The following ANKRD36 variants were observed in gnomAD, a reference collection of about 807,000 sequenced individuals.
The protein encoded by ANKRD36 is ankyrin repeat domain 36.
In ANKRD36, 179 loss-of-function variants were observed where a neutral mutation model predicts 278.1. The ratio of observed to expected loss-of-function variants is 0.64; its 90% CI spans 0.57 to 0.73. The LOEUF is 0.73. ANKRD36 is among the 30% of genes least tolerant of loss of function. ANKRD36 has a pLI of 0.00. For missense variants in ANKRD36, 1,159 were observed against 1,956.7 expected (o/e 0.59, Z 7.69); for synonymous variants, 320 against 641.1 (o/e 0.50, Z 7.57).
In ANKRD36 at chr2:97,179,775, A is replaced by C. The variant is rs2055573747; in HGVS notation, c.1662+9A>C. On this transcript the variant is annotated intron_variant, in intron 23 of 75. Transcript: ENST00000420699. ...AACAACCAGCTGAGAAGGTAATTAA[A>C]GTCTCATTTATATGTTGAACTATTA... 1 of 1,594,468 alleles carries C rather than the reference A, an allele frequency of 6.3e-7. No individual in the cohort carries two copies. Among genetic ancestry groups the C allele is most frequent in the East Asian group, 2.2e-5 (1 of 44,616 alleles).
At chr2:97,211,234 C>G (rs1266253081) in intron 56 of ANKRD36, among the ~76,000 whole-genome samples, 1 of 151,888 alleles carries the variant, frequency 6.6e-6, no homozygotes, top group African/African-American at 2.4e-5. Flanking sequence ...ATGAGTTGCT[C>G]CTCTGATTTT....
In ANKRD36 at chr2:97,209,390, TG is replaced by T. The variant is rs535119669; in HGVS notation, c.3266-290del. Among the ~76,000 whole-genome samples the T allele has an allele frequency of 8.8e-5, 13 of 146,898 alleles. 1 individual carries two copies. The South Asian group carries it at 2.1e-3, about 24-fold the overall frequency. ...TGTTCCTCTGATTTTAGATCACATTTGTCCTCATCACTCGGCATATCCACAT... is the reference window on the plus strand; with the variant it reads ...TGTTCCTCTGATTTTAGATCACATTTTCCTCATCACTCGGCATATCCACAT... On this transcript the variant is annotated intron_variant, in intron 54 of 75. Transcript: ENST00000420699.
chr2:97,122,858 G>T, intron 3 of ANKRD36, 29 bp from the exon 4 acceptor site: 2 of 1,518,698 alleles, frequency 1.3e-6, no homozygotes, highest in Middle Eastern at 1.7e-4. Context: ...GTAATTTTGT[G>T]ATTATAAATT....
intron 48 of ANKRD36, among the ~76,000 whole-genome samples, 177 bp from the exon 49 acceptor site, chr2:97,203,891 T>C (rs1431896592): frequency 2.6e-5 from 4 of 151,854 alleles, no homozygotes; most frequent in Non-Finnish European, 4.4e-5. Context: ...ATGGAGCCTG[T>C]ATTGCTTTTC....
Position 97,209,794 on chromosome 2 carries a change from A to C in ANKRD36, c.3295-6A>C. ...TACTTATTATTTCATTTCAAATTCC[A>C]TTCAGGCTACAAGTGACGAGAAAGA... is the stretch of plus-strand genomic sequence containing the variant. On this transcript the variant is annotated splice_polypyrimidine_tract_variant and splice_region_variant and intron_variant, in intron 55 of 75. Transcript: ENST00000420699. The C allele has an allele frequency of 6.2e-7, 1 of 1,600,762 alleles. No individual in the cohort carries two copies. Among genetic ancestry groups the C allele is most frequent in the Non-Finnish European group, 8.5e-7 (1 of 1,175,980 alleles).
intron 24 of ANKRD36, among the ~76,000 whole-genome samples, chr2:97,181,076 C>G (rs968632282): frequency 6.6e-6 from 1 of 151,584 alleles, no homozygotes; most frequent in Non-Finnish European, 1.5e-5. Flanking sequence ...GGAAACATAT[C>G]CAAGGTGATC....
intron 68 of ANKRD36, among the ~76,000 whole-genome samples, chr2:97,237,506 C>A (rs1261932299): frequency 6.6e-6 from 1 of 150,464 alleles, no homozygotes; most frequent in Non-Finnish European, 1.5e-5. Context: ...CCCTTAGGCA[C>A]CCTTTTACTT....
intron 56 of ANKRD36, among the ~76,000 whole-genome samples, chr2:97,210,597 A>G (rs1235610338): frequency 6.6e-6 from 1 of 151,832 alleles, no homozygotes; most frequent in Non-Finnish European, 1.5e-5. Context: ...AATCTTGAAT[A>G]TGAATAAATT....
At chr2:97,216,365 C>T (rs2065930407) in intron 62 of ANKRD36, among the ~76,000 whole-genome samples, 1 of 151,928 alleles carries the variant, frequency 6.6e-6, no homozygotes, top group African/African-American at 2.4e-5. Flanking sequence ...TTCTAATTAA[C>T]TCCTAAAGTG....
In ANKRD36 at chr2:97,181,787, G is replaced by T; in HGVS notation, c.1831G>T (p.Gly611Trp). ...AGAAATAAAGAAGGGACAACAATCT[G>T]GGACAGGTAATTTTGCAAAACACAT... is the stretch of plus-strand genomic sequence containing the variant. ...ATEIKKGQQS[G>W]TVSPQKQSAW... The change falls in exon 26 of 76, where the codon GGG becomes TGG. Residue 611 changes from glycine (G) to tryptophan (W), a missense_variant. Gly to Trp is a radical substitution (Grantham distance 184). Transcript: ENST00000420699. 6.2e-7 allele frequency: 1 copy of T among 1,608,400 alleles called. No homozygotes were observed. Among genetic ancestry groups the T allele is most frequent in the South Asian group, 1.1e-5 (1 of 90,788 alleles).
chr2:97,212,839 G>A (rs1470666523), intron 58 of ANKRD36: 1 of 210,526 alleles, frequency 4.8e-6, no homozygotes, highest in Non-Finnish European at 9.3e-6. Context: ...ACACCACAGG[G>A]GTGTGAGAAA....
rs770953660 is a variant in ANKRD36, at chr2:97,142,766, A to G, written c.832A>G (p.Thr278Ala). ...SSQKQPALKA[T>A]SGKEDSISNI... Reference sequence around the variant, plus strand: ...TTTTGTTTCAAATCCCACTCAGGCTACAAGTGGCAAGGAAGATTCTATTTC... The same window carrying G: ...TTTTGTTTCAAATCCCACTCAGGCTGCAAGTGGCAAGGAAGATTCTATTTC... Residue 278 changes from threonine (T) to alanine (A), a missense_variant, in exon 8 of 76, where the codon ACA becomes GCA. Coordinates refer to ENST00000420699, the MANE Select transcript of ANKRD36 (RefSeq NM_001354587.1). 3 of 1,586,784 alleles carry G rather than the reference A, an allele frequency of 1.9e-6. No individual in the cohort carries two copies. Among genetic ancestry groups the G allele is most frequent in the East Asian group, 2.3e-5 (1 of 43,702 alleles).
chr2:97,201,829 A>G (rs529977929), intron 46 of ANKRD36, among the ~76,000 whole-genome samples: 2 of 152,030 alleles, frequency 1.3e-5, no homozygotes, highest in South Asian at 4.2e-4. Flanking sequence ...TGTTGCATGA[A>G]AGACATGTGG....
At chr2:97,195,892 T>G (rs1162363290) in intron 40 of ANKRD36, among the ~76,000 whole-genome samples, 7 of 151,810 alleles carry the variant, frequency 4.6e-5, no homozygotes, top group African/African-American at 9.7e-5. Context: ...AAATTGATAA[T>G]TGATGACATT....
intron 6 of ANKRD36, among the ~76,000 whole-genome samples, chr2:97,130,324 C>T (rs992917168): frequency 6.6e-6 from 1 of 151,684 alleles, no homozygotes; most frequent in African/African-American, 2.4e-5. Flanking sequence ...GAAAACATCA[C>T]TCTCAGCAAA....
intron 67 of ANKRD36, among the ~76,000 whole-genome samples, chr2:97,230,712 G>T (rs201677267): frequency 1.3e-5 from 2 of 152,172 alleles, no homozygotes; most frequent in East Asian, 3.9e-4. Context: ...GAGGAGAGGC[G>T]CTCTGCTTTT....
chr2:97,152,943 C>A (rs948988653), intron 14 of ANKRD36, among the ~76,000 whole-genome samples: 8 of 151,566 alleles, frequency 5.3e-5, no homozygotes, highest in African/African-American at 1.2e-4. Context: ...TATTTAGAAG[C>A]CTGGCTACTC....
At chr2:97,185,223 G>A in intron 28 of ANKRD36, 93 bp from the exon 29 acceptor site, 2 of 1,504,838 alleles carry the variant, frequency 1.3e-6, no homozygotes, top group Non-Finnish European at 1.8e-6. Context: ...AATACAGGCA[G>A]GAGCATACAG....
In ANKRD36 at chr2:97,217,174, C is replaced by A; in HGVS notation, c.3674-3C>A. 6.5e-7 allele frequency: 1 copy of A among 1,547,414 alleles called. No homozygotes were observed. The highest frequency in any genetic ancestry group is 8.7e-7 in the Non-Finnish European group (1 of 1,146,012). On this transcript the variant is annotated splice_polypyrimidine_tract_variant and splice_region_variant and intron_variant, in intron 62 of 75. Transcript: ENST00000420699. Reference sequence around the variant, plus strand: ...TGAATTATATATTTCTTTTACTTTTCAGTGTCTCCTCAGAAACAATCGGCC... The same window carrying A: ...TGAATTATATATTTCTTTTACTTTTAAGTGTCTCCTCAGAAACAATCGGCC...
Sources: allele counts gnomAD v4.1 joint callset (sites outside exome capture counted in the v4.1 genomes callset), GRCh38; gene constraint gnomAD v4.1.1; transcripts MANE v1.5; gene names NCBI Gene and HGNC (gene_info 2026-07-23, HGNC 2026-07-21).